ARMC9: variants seen among roughly 807,000 people sequenced by gnomAD.
The protein encoded by ARMC9 is armadillo repeat containing 9, also known as lisH domain-containing protein ARMC9.
Under a neutral mutation model 107.0 loss-of-function variants are expected in ARMC9, and 94 were observed. The ratio of observed to expected loss-of-function variants is 0.88; its 90% CI spans 0.74 to 1.04. ARMC9 has a LOEUF of 1.04. ARMC9 is among the 50% of genes least tolerant of loss of function. The pLI, the probability that ARMC9 is intolerant of heterozygous loss-of-function variation, is 0.00. For missense variants in ARMC9, 942 were observed against 1,030.1 expected (o/e 0.91, Z 1.17); for synonymous variants, 380 against 396.9 (o/e 0.96, Z 0.51).
chr2:231,369,541 G>A (rs916527004), intron 23 of ARMC9, among the ~76,000 whole-genome samples: 8 of 150,966 alleles, frequency 5.3e-5, no homozygotes, highest in South Asian at 2.1e-4. Flanking sequence ...TGATCCGCCC[G>A]CCTCGGCCTC....
At chr2:231,331,944 T>A (rs368660157) in intron 20 of ARMC9, 47 bp downstream of exon 20, 55 of 1,450,050 alleles carry the variant, frequency 3.8e-5, no homozygotes, top group Non-Finnish European at 5.2e-5. Flanking sequence ...AAAGGCCAGA[T>A]GGACATTGAT....
In ARMC9 at chr2:231,353,980, T is replaced by TACAC. The variant is rs35433958; in HGVS notation, c.1995-1785_1995-1782dup. On this transcript the variant is annotated intron_variant, in intron 21 of 24. Coordinates refer to ENST00000611582, the MANE Select transcript of ARMC9 (RefSeq NM_001352754.2). ...TAACAATGCAGCATATATGTATATA[T>TACAC]ACACACACACACACACACACACACA... 7.3e-3 allele frequency among the ~76,000 whole-genome samples: 989 copies of TACAC among 135,360 alleles called. 12 individuals are homozygous for TACAC. Among genetic ancestry groups the TACAC allele is most frequent in the Middle Eastern group, 0.018 (5 of 278 alleles). 88.8% of individuals were successfully genotyped at this position (135,360 alleles called of 152,430 possible). A position where few individuals can be genotyped will look rare whatever the true frequency, so the allele number is the denominator to read the frequency against.
At chr2:231,213,172 T>TC (rs1455898651) in intron 3 of ARMC9, among the ~76,000 whole-genome samples, 2 of 151,712 alleles carry the variant, frequency 1.3e-5, no homozygotes, top group African/African-American at 4.8e-5. Flanking sequence ...TTCTTTTTTT[T>TC]TTTTTTTCTG....
intron 7 of ARMC9, among the ~76,000 whole-genome samples, chr2:231,234,343 C>A (rs141555204): frequency 3.8e-4 from 58 of 152,278 alleles, no homozygotes; most frequent in African/African-American, 1.3e-3. Context: ...GCAAAGAATC[C>A]TAGAGCCTTC....
chr2:231,254,590 A>G (rs899449957), intron 9 of ARMC9, among the ~76,000 whole-genome samples: 11 of 151,968 alleles, frequency 7.2e-5, no homozygotes, highest in Non-Finnish European at 8.8e-5. Flanking sequence ...AGGCTGAGGC[A>G]GGAGGATTGC....
intron 17 of ARMC9, chr2:231,288,782 C>T (rs1266658237): frequency 2.1e-6 from 1 of 467,322 alleles, no homozygotes; most frequent in East Asian, 6.9e-5. Flanking sequence ...GGTTTGACTC[C>T]AGAGCCCTCT....
intron 11 of ARMC9, among the ~76,000 whole-genome samples, chr2:231,260,585 G>C (rs1342451024): frequency 6.6e-6 from 1 of 152,162 alleles, no homozygotes; most frequent in East Asian, 1.9e-4. Flanking sequence ...GACGTATCCA[G>C]GATCCACAGG....
chr2:231,249,986 G>A (rs1251624527), intron 9 of ARMC9, among the ~76,000 whole-genome samples: 2 of 135,596 alleles, frequency 1.5e-5, no homozygotes, highest in East Asian at 4.5e-4. Flanking sequence ...GGAGACCACC[G>A]CCCACCCGTG....
chr2:231,316,993 C>G (rs2042729038), intron 19 of ARMC9, among the ~76,000 whole-genome samples: 1 of 152,140 alleles, frequency 6.6e-6, no homozygotes, highest in Admixed American at 6.5e-5. Context: ...AAACTGCGCC[C>G]AGCCCCATTG....
At chr2:231,299,479 C>T (rs2125489876) in intron 19 of ARMC9, among the ~76,000 whole-genome samples, 1 of 152,220 alleles carries the variant, frequency 6.6e-6, no homozygotes, top group South Asian at 2.1e-4. Context: ...GAGACTAGGA[C>T]ACGGGGTTTA....
intron 21 of ARMC9, among the ~76,000 whole-genome samples, chr2:231,347,204 G>A (rs552136702): frequency 4.6e-5 from 7 of 152,316 alleles, no homozygotes; most frequent in Admixed American, 1.3e-4. Context: ...CAAGCTGCCA[G>A]GTAATGAGGG....
intron 11 of ARMC9, among the ~76,000 whole-genome samples, chr2:231,261,824 GTTC>G (rs2038377233): frequency 6.7e-6 from 1 of 149,974 alleles, no homozygotes; most frequent in African/African-American, 2.4e-5. Context: ...GACATCACAG[GTTC>G]TTTTTTTTTT....
chr2:231,255,180 A>AACACACACACAC lies in ARMC9; in HGVS notation c.880-1376_880-1365dup, dbSNP rs3042595. On this transcript the variant is annotated intron_variant, in intron 9 of 24. Transcript: ENST00000611582. This position sits in a 1 kb window ranked among gnomAD's most constrained non-coding sequence, Gnocchi z 4.7. Reference sequence around the variant, plus strand: ...AGCACTACCTGTAGTGGCAAAAAGAAACACACACACACACACACACACACA... The same window carrying AACACACACACAC: ...AGCACTACCTGTAGTGGCAAAAAGAAACACACACACACACACACACACACACACACACACACA... Among the ~76,000 whole-genome samples the AACACACACACAC allele has an allele frequency of 8.9e-5, 13 of 146,866 alleles. No individual in the cohort carries two copies. The highest frequency in any genetic ancestry group is 2.0e-4 in the African/African-American group (8 of 40,144).
intron 9 of ARMC9, among the ~76,000 whole-genome samples, chr2:231,249,362 T>G (rs917797482): frequency 2.0e-5 from 3 of 152,136 alleles, no homozygotes; most frequent in African/African-American, 7.2e-5. Flanking sequence ...CTACCCCTGC[T>G]GAGTCCAGTC....
intron 9 of ARMC9, among the ~76,000 whole-genome samples, chr2:231,251,670 G>A (rs748666988): frequency 1.6e-4 from 25 of 152,244 alleles, no homozygotes; most frequent in Admixed American, 2.6e-4. Context: ...GATGGGGGCA[G>A]TCAGTAGGTA....
At chr2:231,314,636 C>T (rs1310826955) in intron 19 of ARMC9, among the ~76,000 whole-genome samples, 1 of 152,162 alleles carries the variant, frequency 6.6e-6, no homozygotes, top group Non-Finnish European at 1.5e-5. Flanking sequence ...ATTAATCCAC[C>T]CCTCTTCCCA....
rs2046124286 is a variant in ARMC9, at chr2:231,374,139, G to T, written c.*2604G>T. ...CTTGCTGAGGATGGGTATGACCCCA[G>T]TCTAAGGGGAAAGAATCTAAAACAC... On this transcript the variant is annotated 3_prime_UTR_variant, in exon 25 of 25. Coordinates refer to ENST00000611582, the MANE Select transcript of ARMC9 (RefSeq NM_001352754.2). 6.6e-6 allele frequency: 1 copy of T among 152,160 alleles called. No individual in the cohort carries two copies. Among genetic ancestry groups the T allele is most frequent in the Non-Finnish European group, 1.5e-5 (1 of 68,028 alleles). The allele number at this position is 152,160 out of a possible 1,614,324, so 9.4% of individuals were successfully genotyped here. A position where few individuals can be genotyped will look rare whatever the true frequency, so the allele number is the denominator to read the frequency against.
intron 23 of ARMC9, among the ~76,000 whole-genome samples, chr2:231,368,786 G>C (rs781608454): frequency 1.3e-5 from 2 of 152,106 alleles, no homozygotes; most frequent in Non-Finnish European, 2.9e-5. Context: ...ACCATGCCCC[G>C]CTAATTTTTT....
At chr2:231,256,716 T>G in intron 10 of ARMC9, 96 bp downstream of exon 10, 3 of 1,312,658 alleles carry the variant, frequency 2.3e-6, no homozygotes, top group Non-Finnish European at 1.1e-6. Flanking sequence ...CAGCCTAGGT[T>G]AGAGGAATGC....
Sources: gnomAD v4.1 joint callset for allele counts (sites outside exome capture counted in the v4.1 genomes callset) on GRCh38, gnomAD v4.1.1 for gene constraint, Gnocchi (gnomAD v3.1) non-coding constraint, MANE v1.5 for transcripts, NCBI Gene and HGNC (gene_info 2026-07-23, HGNC 2026-07-21) for gene names.